The following ANKRD33B variants were observed in gnomAD, a reference collection of about 807,000 sequenced individuals.
ANKRD33B encodes the protein ankyrin repeat domain 33B, also known as ankyrin repeat domain-containing protein 33B.
Under a neutral mutation model 21.5 loss-of-function variants are expected in ANKRD33B, and 6 were observed. The observed-to-expected ratio is 0.28, with a 90% confidence interval of 0.15 to 0.55. ANKRD33B has a LOEUF of 0.55. Among genes scored for constraint, ANKRD33B ranks in the 20% least tolerant of loss-of-function variants. The pLI is 0.94. For missense variants in ANKRD33B, 698 were observed against 747.2 expected, an observed-to-expected ratio of 0.93 and a Z score of 0.77; for synonymous variants, 347 against 342.4, an observed-to-expected ratio of 1.01 and a Z score of -0.15.
rs890563512 is a variant in ANKRD33B, at chr5:10,655,547, C to A, written c.*5434C>A. 1 of 152,414 alleles carries A rather than the reference C, an allele frequency of 6.6e-6. No homozygotes were observed. The highest frequency in any genetic ancestry group is 2.4e-5 in the African/African-American group (1 of 41,462). The allele number at this position is 152,414 out of a possible 1,614,324, so 9.4% of individuals were successfully genotyped here. On this transcript the variant is annotated 3_prime_UTR_variant, in exon 4 of 4. Transcript: ENST00000296657. ...GCCCTGATGTGCACCCTGCACTACT[C>A]TTTCCCCAGGTGCGCCGGAGACGCA...
intron 1 of ANKRD33B, among the ~76,000 whole-genome samples, chr5:10,571,936 C>T (rs571993157): frequency 6.0e-5 from 9 of 151,098 alleles, no homozygotes; most frequent in Non-Finnish European, 8.9e-5. Context: ...TTGCCCAGGC[C>T]GGAGTGCAGT....
At chr5:10,632,239 G>C (rs1560981558) in intron 2 of ANKRD33B, among the ~76,000 whole-genome samples, 2 of 152,116 alleles carry the variant, frequency 1.3e-5, no homozygotes, top group Admixed American at 6.5e-5. Flanking sequence ...GGTGGTTTCT[G>C]TTCCCTCTAT....
chr5:10,610,872 C>T (rs777518601), intron 1 of ANKRD33B, among the ~76,000 whole-genome samples: 1 of 151,988 alleles, frequency 6.6e-6, no homozygotes, highest in Non-Finnish European at 1.5e-5. Context: ...TGGCGAAACC[C>T]GTCTCTACTA....
chr5:10,597,690 T>C (rs1358420352), intron 1 of ANKRD33B, among the ~76,000 whole-genome samples: 3 of 152,180 alleles, frequency 2.0e-5, no homozygotes, highest in East Asian at 3.9e-4. Flanking sequence ...GCAGACCTCA[T>C]AGATATCTCC....
intron 2 of ANKRD33B, among the ~76,000 whole-genome samples, chr5:10,636,572 G>C (rs1180486848): frequency 6.6e-6 from 1 of 152,176 alleles, no homozygotes; most frequent in Non-Finnish European, 1.5e-5. Context: ...AGCTATGATC[G>C]TGCTCCTGCA....
chr5:10,568,758 C>G (rs545737974), intron 1 of ANKRD33B, among the ~76,000 whole-genome samples: 1 of 152,326 alleles, frequency 6.6e-6, no homozygotes, highest in African/African-American at 2.4e-5. Flanking sequence ...TGGTGTTGAA[C>G]TCCTGACCTC....
At position 10,654,402 on chromosome 5, in the gene ANKRD33B, A is replaced by T. The variant is rs181449463; in HGVS notation, c.*4289A>T. ...ATTTCAAGTTGACAGGTACCTTCTCAGGGATTTATATATAAATATAGTTAG... is the reference window on the plus strand; with the variant it reads ...ATTTCAAGTTGACAGGTACCTTCTCTGGGATTTATATATAAATATAGTTAG... On this transcript the variant is annotated 3_prime_UTR_variant, in exon 4 of 4. Transcript: ENST00000296657. 29 of 152,512 alleles carry T rather than the reference A, an allele frequency of 1.9e-4. No individual in the cohort carries two copies. Among genetic ancestry groups the T allele is most frequent in the African/African-American group, 6.7e-4 (28 of 41,584 alleles). The allele number at this position is 152,512 out of a possible 1,614,324, so 9.4% of individuals were successfully genotyped here. A position where few individuals can be genotyped will look rare whatever the true frequency, so the allele number is the denominator to read the frequency against.
intron 1 of ANKRD33B, among the ~76,000 whole-genome samples, chr5:10,588,533 C>T (rs1579719092): frequency 6.6e-6 from 1 of 152,186 alleles, no homozygotes; most frequent in East Asian, 1.9e-4. Flanking sequence ...AGTAAATGTG[C>T]CTTTCCCTAA....
At chr5:10,613,459 T>G (rs1158420020) in intron 1 of ANKRD33B, among the ~76,000 whole-genome samples, 1 of 151,978 alleles carries the variant, frequency 6.6e-6, no homozygotes, top group East Asian at 1.9e-4. Context: ...TAATTTTTTT[T>G]TGTATTTTTT....
At chr5:10,646,573 A>G (rs1325324435) in intron 3 of ANKRD33B, among the ~76,000 whole-genome samples, 2 of 152,256 alleles carry the variant, frequency 1.3e-5, no homozygotes, top group South Asian at 2.1e-4. Context: ...CTGGTTTTCC[A>G]TTAGCATTTG....
intron 1 of ANKRD33B, among the ~76,000 whole-genome samples, chr5:10,593,805 A>G (rs572753770): frequency 6.6e-6 from 1 of 150,942 alleles, no homozygotes; most frequent in Admixed American, 6.6e-5. Context: ...ACCCCTCTCA[A>G]CTCACTTACC....
chr5:10,622,419 T>G (rs1218021405), intron 2 of ANKRD33B, among the ~76,000 whole-genome samples: 1 of 151,436 alleles, frequency 6.6e-6, no homozygotes, highest in Non-Finnish European at 1.5e-5. Context: ...TCTTTGTGGT[T>G]GTTTTCTTCC....
intron 1 of ANKRD33B, among the ~76,000 whole-genome samples, chr5:10,599,830 C>T (rs1401842534): frequency 6.6e-6 from 1 of 152,184 alleles, no homozygotes; most frequent in Non-Finnish European, 1.5e-5. Flanking sequence ...CTGCTTTAAA[C>T]TCATTTGGGC....
intron 2 of ANKRD33B, chr5:10,624,661 G>T: frequency 2.3e-6 from 1 of 441,390 alleles, no homozygotes. Context: ...AAGCTTCCTT[G>T]TGTGTGTCTT....
At chr5:10,627,132 A>G (rs1249180035) in intron 2 of ANKRD33B, 1 of 152,238 alleles carries the variant, frequency 6.6e-6, no homozygotes, top group African/African-American at 2.4e-5. Flanking sequence ...CTGTAAATGG[A>G]GAGAACGTTT....
rs1462100603 is a variant in ANKRD33B at position 10,649,508 on chromosome 5, C to A, written c.880C>A (p.Arg294Ser). The A allele has an allele frequency of 5.2e-6, 8 of 1,534,558 alleles. No homozygotes were observed. Among genetic ancestry groups the A allele is most frequent in the Non-Finnish European group, 7.0e-6 (8 of 1,146,102 alleles). Reference protein sequence around the residue: ...TDCVLSVLTPRSVRGPEDGGV... With the variant: ...TDCVLSVLTPSSVRGPEDGGV... ...CTGCGTGCTGTCCGTGCTGACGCCG[C>A]GCTCCGTGCGGGGCCCGGAGGACGG... Residue 294 changes from arginine to serine, a missense_variant, in exon 4 of 4, where the codon CGC becomes AGC. Arg to Ser is a moderately radical substitution (Grantham distance 110). Coordinates refer to ENST00000296657, the MANE Select transcript of ANKRD33B (RefSeq NM_001164440.2).
At chr5:10,623,847 TC>T (rs2126587210) in intron 2 of ANKRD33B, among the ~76,000 whole-genome samples, 1 of 152,342 alleles carries the variant, frequency 6.6e-6, no homozygotes, top group African/African-American at 2.4e-5. Flanking sequence ...TCAGCCATTA[TC>T]CTGCTTCCTC....
chr5:10,605,621 C>G (rs1321322298), intron 1 of ANKRD33B, among the ~76,000 whole-genome samples: 1 of 151,986 alleles, frequency 6.6e-6, no homozygotes, highest in Admixed American at 6.6e-5. Context: ...CTCCGCCTCC[C>G]GGGTTCAAGT....
At chr5:10,637,837 G>A (rs1177523037) in intron 2 of ANKRD33B, among the ~76,000 whole-genome samples, 191 bp from the exon 3 acceptor site, 7 of 152,174 alleles carry the variant, frequency 4.6e-5, no homozygotes, top group African/African-American at 1.7e-4. Flanking sequence ...CAGCCAGGGC[G>A]GTGCCTTCTC....
Sources: gnomAD v4.1 joint callset for allele counts (sites outside exome capture counted in the v4.1 genomes callset) on GRCh38, gnomAD v4.1.1 for gene constraint, MANE v1.5 for transcripts, NCBI Gene and HGNC (gene_info 2026-07-23, HGNC 2026-07-21) for gene names.